OSGIN2: variants seen among roughly 807,000 people sequenced by gnomAD.
The protein encoded by OSGIN2 is oxidative stress-induced growth inhibitor 2.
In OSGIN2, 19 loss-of-function variants were observed where a neutral mutation model predicts 53.8. The ratio of observed to expected loss-of-function variants is 0.35; its 90% CI spans 0.25 to 0.52. The LOEUF (loss-of-function observed/expected upper bound fraction) is 0.52, where lower values mean the gene tolerates loss of function less well. Ranked by LOEUF, OSGIN2 falls within the 20% of genes least tolerant of loss-of-function variation. The pLI is 0.95. For synonymous variants in OSGIN2, 236 were observed against 236.0 expected (o/e 1.00, Z 0.00); for missense variants, 520 against 662.7 (o/e 0.78, Z 2.36).
At chr8:89,922,402 G>T (rs1161434698) in intron 5 of OSGIN2, among the ~76,000 whole-genome samples, 3 of 152,190 alleles carry the variant, frequency 2.0e-5, no homozygotes, top group African/African-American at 7.2e-5. Flanking sequence ...TACAGTTCTT[G>T]ATCTTCGTAA....
chr8:89,921,066 T>A lies in OSGIN2; in HGVS notation c.529-14T>A, dbSNP rs1563475708. The A allele has an allele frequency of 6.7e-7, 1 of 1,496,848 alleles. No homozygotes were observed. The allele number at this position is 1,496,848 out of a possible 1,614,324, so 92.7% of individuals were successfully genotyped here. ...GTTTTTTGACGGTACATTTTTTTTT[T>A]TAAACTCTAATAGAATATGGAAGGC... On this transcript the variant is annotated splice_polypyrimidine_tract_variant and intron_variant, in intron 4 of 5. Coordinates refer to ENST00000451899, the MANE Select transcript of OSGIN2 (RefSeq NM_001126111.3).
At chr8:89,918,274 C>G (rs1809123325) in intron 4 of OSGIN2, among the ~76,000 whole-genome samples, 1 of 152,104 alleles carries the variant, frequency 6.6e-6, no homozygotes, top group African/African-American at 2.4e-5. Context: ...CACTCCTTTT[C>G]TGATACCTTT....
chr8:89,911,325 C>T (rs1333223155), intron 2 of OSGIN2, among the ~76,000 whole-genome samples: 2 of 152,008 alleles, frequency 1.3e-5, no homozygotes, highest in Non-Finnish European at 2.9e-5. Context: ...TTTACAGGTT[C>T]TAGGGGATAG....
Position 89,927,091 on chromosome 8 carries a change from T to C in OSGIN2, c.*1559T>C, listed in dbSNP as rs1419627507. ...CACATCTTAATGAAATAACATTCTC[T>C]GACTGCACTTGCTTCAGTACTCTCT... On this transcript the variant is annotated 3_prime_UTR_variant, in exon 6 of 6. Transcript: ENST00000451899. 1 of 152,116 alleles carries C rather than the reference T, an allele frequency of 6.6e-6. No homozygotes were observed. The highest frequency in any genetic ancestry group is 1.5e-5 in the Non-Finnish European group (1 of 67,962). 9.4% of individuals were successfully genotyped at this position (152,116 alleles called of 1,614,324 possible).
rs1458564333 is a variant in OSGIN2, at chr8:89,925,676, C to T, written c.*144C>T. On this transcript the variant is annotated 3_prime_UTR_variant, in exon 6 of 6. Transcript: ENST00000451899. ...ATAGTAACTTCATTTTTAAAAGTTA[C>T]TAGAATTTGGTATCCTGATTTATAT... 4 of 624,654 alleles carry T rather than the reference C, an allele frequency of 6.4e-6. No individual in the cohort carries two copies. Among genetic ancestry groups the T allele is most frequent in the Admixed American group, 3.0e-5 (1 of 33,518 alleles). 38.7% of individuals were successfully genotyped at this position (624,654 alleles called of 1,614,324 possible).
Position 89,926,819 on chromosome 8 carries a change from T to G in OSGIN2, c.*1287T>G, listed in dbSNP as rs1809343802. 6.6e-6 allele frequency: 1 copy of G among 152,210 alleles called. No individual in the cohort carries two copies. The highest frequency in any genetic ancestry group is 1.5e-5 in the Non-Finnish European group (1 of 68,022). The allele number at this position is 152,210 out of a possible 1,614,324, so 9.4% of individuals were successfully genotyped here. On this transcript the variant is annotated 3_prime_UTR_variant, in exon 6 of 6. Transcript: ENST00000451899. ...ATTGAACTCGTTATTCTATTTTTCT[T>G]AGAATTAAAAGTGGATTAATGTGGG...
rs764078342 is a variant in OSGIN2, at chr8:89,924,590, C to G, written c.708C>G (p.Phe236Leu). ...YVKVMGLQKNFRENTYITSVS... is the reference protein window; with the variant it reads ...YVKVMGLQKNLRENTYITSVS... ...AAGTCATGGGTCTTCAGAAGAATTTCAGAGAGAATACTTACATAACTTCCG... is the reference window on the plus strand; with the variant it reads ...AAGTCATGGGTCTTCAGAAGAATTTGAGAGAGAATACTTACATAACTTCCG... The change falls in exon 6 of 6, where the codon TTC becomes TTG. Residue 236 changes from phenylalanine to leucine, a missense_variant. This residue lies in a region of OSGIN2 where 78 missense variants were observed against 59.1 expected (regional missense o/e 1.32). Coordinates refer to ENST00000451899, the MANE Select transcript of OSGIN2 (RefSeq NM_001126111.3). 1 of 1,613,496 alleles carries G rather than the reference C, an allele frequency of 6.2e-7. No individual in the cohort carries two copies. Among genetic ancestry groups the G allele is most frequent in the East Asian group, 2.2e-5 (1 of 44,872 alleles).
intron 4 of OSGIN2, among the ~76,000 whole-genome samples, chr8:89,915,417 GCC>G (rs1001220501): frequency 6.6e-6 from 1 of 152,088 alleles, no homozygotes; most frequent in Non-Finnish European, 1.5e-5. Flanking sequence ...CCTCCCAAAG[GCC>G]CCATCTCCAA....
chr8:89,912,289 C>G (rs1194675555), intron 2 of OSGIN2, among the ~76,000 whole-genome samples: 1 of 152,192 alleles, frequency 6.6e-6, no homozygotes, highest in Admixed American at 6.5e-5. Context: ...TATAGGAAAG[C>G]AATATCAGGA....
chr8:89,906,627 T>C (rs941083056), intron 1 of OSGIN2, among the ~76,000 whole-genome samples: 1 of 152,214 alleles, frequency 6.6e-6, no homozygotes, highest in African/African-American at 2.4e-5. Context: ...TTTTTGTGGC[T>C]GTATAGTATT....
chr8:89,909,106 C>G (rs1383016146), intron 1 of OSGIN2, among the ~76,000 whole-genome samples: 3 of 138,700 alleles, frequency 2.2e-5, no homozygotes, highest in African/African-American at 8.2e-5. Context: ...AATGTATAAA[C>G]CTAATTTCTT....
rs1809286076 is a variant in OSGIN2 at position 89,924,968 on chromosome 8, G to C, written c.1086G>C (p.Leu362=). ...GGCTTACTGCCGCTGACGCAGTACT[G>C]TGTGCTTACAACAGTAATATCCCTG... The part of the protein sequence containing the change: ...GSGLTAADAV[L]CAYNSNIPVI... Residue 362 remains leucine (L), a synonymous_variant, in exon 6 of 6, where the codon CTG becomes CTC. Coordinates refer to ENST00000451899, the MANE Select transcript of OSGIN2 (RefSeq NM_001126111.3). 1 of 1,613,986 alleles carries C rather than the reference G, an allele frequency of 6.2e-7. No individual in the cohort carries two copies. The highest frequency in any genetic ancestry group is 1.3e-5 in the African/African-American group (1 of 74,936).
intron 4 of OSGIN2, among the ~76,000 whole-genome samples, chr8:89,915,435 T>C (rs1053723038): frequency 7.9e-5 from 12 of 152,166 alleles, no homozygotes; most frequent in African/African-American, 2.9e-4. Flanking sequence ...TCCAAAAGCA[T>C]CACATTGGGG....
chr8:89,910,344 A>C (rs1487643928), intron 2 of OSGIN2, among the ~76,000 whole-genome samples: 2 of 152,248 alleles, frequency 1.3e-5, no homozygotes, highest in African/African-American at 4.8e-5. Context: ...ATTACCTGTT[A>C]TGTATATTTT....
chr8:89,902,945 G>A, intron 1 of OSGIN2, 108 bp downstream of exon 1: 4 of 689,730 alleles, frequency 5.8e-6, no homozygotes, highest in South Asian at 4.7e-5. Context: ...CGCCTGGACC[G>A]CAGCGTCCTC....
intron 2 of OSGIN2, among the ~76,000 whole-genome samples, chr8:89,913,162 A>G (rs1461195735): frequency 2.0e-5 from 3 of 152,204 alleles, no homozygotes; most frequent in Non-Finnish European, 2.9e-5. Flanking sequence ...CCTACATCTT[A>G]GCAGAATTCC....
At chr8:89,920,023 T>C (rs1284917545) in intron 4 of OSGIN2, among the ~76,000 whole-genome samples, 5 of 152,170 alleles carry the variant, frequency 3.3e-5, no homozygotes. Flanking sequence ...GTGGGAATAA[T>C]GTTAAAAAAT....
At chr8:89,923,437 A>G (rs1586010066) in intron 5 of OSGIN2, among the ~76,000 whole-genome samples, 2 of 152,338 alleles carry the variant, frequency 1.3e-5, no homozygotes, top group East Asian at 3.9e-4. Flanking sequence ...TCCCTGATTA[A>G]TCATGGTTTC....
Position 89,924,599 on chromosome 8 carries a change from T to C in OSGIN2, c.717T>C (p.Asn239=). ...VMGLQKNFRE[N]TYITSVSRLY... is the part of the protein sequence containing the mutation. ...GTCTTCAGAAGAATTTCAGAGAGAA[T>C]ACTTACATAACTTCCGTATCAAGAC... The change falls in exon 6 of 6, where the codon AAT becomes AAC. Residue 239 remains asparagine, a synonymous_variant. Coordinates refer to ENST00000451899, the MANE Select transcript of OSGIN2 (RefSeq NM_001126111.3). 2 of 1,613,660 alleles carry C rather than the reference T, an allele frequency of 1.2e-6. No individual in the cohort carries two copies. The highest frequency in any genetic ancestry group is 1.7e-6 in the Non-Finnish European group (2 of 1,179,554).
Sources: gnomAD v4.1 joint callset for allele counts (sites outside exome capture counted in the v4.1 genomes callset) on GRCh38, gnomAD v4.1.1 for gene constraint, gnomAD v4.1.1 regional missense constraint, MANE v1.5 for transcripts, NCBI Gene and HGNC (gene_info 2026-07-23, HGNC 2026-07-21) for gene names.